The following ZRANB3 variants were observed in gnomAD, a reference collection of about 807,000 sequenced individuals.
ZRANB3 encodes the protein DNA annealing helicase and endonuclease ZRANB3.
In ZRANB3, 125 loss-of-function variants were observed where a neutral mutation model predicts 133.8. The ratio of observed to expected loss-of-function variants is 0.93; its 90% CI spans 0.81 to 1.08. The LOEUF is 1.08. Among genes scored for constraint, ZRANB3 ranks in the 50% least tolerant of loss-of-function variants. The pLI is 0.00. For synonymous variants in ZRANB3, 387 were observed against 432.7 expected (o/e 0.89, Z 1.31); for missense variants, 1,229 against 1,275.5 (o/e 0.96, Z 0.56).
chr2:135,396,045 A>G (rs1687474179), intron 2 of ZRANB3, among the ~76,000 whole-genome samples: 1 of 152,252 alleles, frequency 6.6e-6, no homozygotes, highest in Admixed American at 6.5e-5. Flanking sequence ...GAAGACATAC[A>G]AAGGGCAAAC....
At chr2:135,382,661 C>A (rs1686770119) in intron 3 of ZRANB3, among the ~76,000 whole-genome samples, 1 of 152,124 alleles carries the variant, frequency 6.6e-6, no homozygotes. Flanking sequence ...ACTCTACAAG[C>A]CAGAAGAGAC....
intron 13 of ZRANB3, among the ~76,000 whole-genome samples, chr2:135,229,409 C>T (rs544302386): frequency 2.1e-4 from 31 of 150,848 alleles, no homozygotes; most frequent in Non-Finnish European, 4.3e-4. Flanking sequence ...GCTCTGTTGC[C>T]CAGCCTGGAG....
chr2:135,390,662 C>T, intron 3 of ZRANB3, 140 bp downstream of exon 3: 1 of 1,264,038 alleles, frequency 7.9e-7, no homozygotes, highest in South Asian at 1.5e-5. Context: ...CCTCCCTCCT[C>T]ACCCTCCCAT....
At chr2:135,318,026 T>C (rs1683341619) in intron 6 of ZRANB3, among the ~76,000 whole-genome samples, 2 of 152,152 alleles carry the variant, frequency 1.3e-5, no homozygotes, top group Admixed American at 1.3e-4. Flanking sequence ...TTAGTCTCTT[T>C]AAATTTGCTG....
intron 2 of ZRANB3, among the ~76,000 whole-genome samples, chr2:135,476,389 T>G (rs910318733): frequency 1.3e-5 from 2 of 152,174 alleles, no homozygotes; most frequent in Non-Finnish European, 2.9e-5. Flanking sequence ...CTTTTAAACA[T>G]TCCAGGGAAA....
intron 2 of ZRANB3, among the ~76,000 whole-genome samples, chr2:135,475,731 A>G (rs1456460676): frequency 6.6e-6 from 1 of 152,344 alleles, no homozygotes; most frequent in African/African-American, 2.4e-5. Flanking sequence ...GTGCCAAAGG[A>G]TATTTAAATT....
intron 19 of ZRANB3, among the ~76,000 whole-genome samples, chr2:135,206,242 C>T (rs1393789493): frequency 6.9e-6 from 1 of 144,198 alleles, no homozygotes; most frequent in Admixed American, 7.0e-5. Context: ...CTATAAAATA[C>T]TTTTTTTTTT....
chr2:135,379,007 A>G (rs1686561967), intron 3 of ZRANB3, among the ~76,000 whole-genome samples: 1 of 152,116 alleles, frequency 6.6e-6, no homozygotes. Flanking sequence ...AAACTGAGAA[A>G]ACCTGCATAA....
intron 3 of ZRANB3, among the ~76,000 whole-genome samples, chr2:135,386,722 C>T (rs945335675): frequency 5.9e-5 from 9 of 152,134 alleles, no homozygotes; most frequent in African/African-American, 2.2e-4. Context: ...AACCATAATT[C>T]TCAGCAAACT....
chr2:135,251,090 G>C (rs1248003757), intron 12 of ZRANB3, among the ~76,000 whole-genome samples: 1 of 152,222 alleles, frequency 6.6e-6, no homozygotes, highest in Non-Finnish European at 1.5e-5. Context: ...CCTACCTTTT[G>C]CATCAGTGTT....
chr2:135,273,609 C>T (rs1200979745), intron 9 of ZRANB3, among the ~76,000 whole-genome samples: 1 of 151,836 alleles, frequency 6.6e-6, no homozygotes, highest in African/African-American at 2.4e-5. Context: ...GATCTCAGCT[C>T]ACTGCAACCT....
At chr2:135,318,413 T>C (rs1168182993) in intron 6 of ZRANB3, among the ~76,000 whole-genome samples, 1 of 152,158 alleles carries the variant, frequency 6.6e-6, no homozygotes, top group Non-Finnish European at 1.5e-5. Context: ...CTGTGGGGCA[T>C]GCCAACTATG....
At chr2:135,379,721 G>C (rs529426967) in intron 3 of ZRANB3, among the ~76,000 whole-genome samples, 1 of 152,108 alleles carries the variant, frequency 6.6e-6, no homozygotes, top group African/African-American at 2.4e-5. Flanking sequence ...AAATTGTAAA[G>C]ACCATCAATG....
At chr2:135,318,212 TTGTGTGTG>T (rs58455313) in intron 6 of ZRANB3, among the ~76,000 whole-genome samples, 3,213 of 136,944 alleles carry the variant, frequency 0.023, 49 homozygotes, top group East Asian at 0.048. Context: ...ACACACTATT[TTGTGTGTG>T]TGTGTGTGTG....
chr2:135,483,463 AT>A (rs1413426005), intron 2 of ZRANB3, among the ~76,000 whole-genome samples: 3 of 152,060 alleles, frequency 2.0e-5, no homozygotes, highest in African/African-American at 7.3e-5. Flanking sequence ...CAGTGGTGAT[AT>A]CCCCTTTATC....
chr2:135,352,840 C>G (rs531175975), intron 4 of ZRANB3, among the ~76,000 whole-genome samples: 168 of 152,192 alleles, frequency 1.1e-3, no homozygotes, highest in Non-Finnish European at 2.1e-3. Context: ...CCTACACATT[C>G]CATGTAATAA....
At chr2:135,338,482 T>C (rs1034196061) in intron 6 of ZRANB3, among the ~76,000 whole-genome samples, 4 of 152,226 alleles carry the variant, frequency 2.6e-5, no homozygotes, top group African/African-American at 7.2e-5. Flanking sequence ...GTGGCTTCTA[T>C]AGAGAAGTCT....
At chr2:135,259,110 C>T (rs566195596) in intron 12 of ZRANB3, among the ~76,000 whole-genome samples, 2 of 152,120 alleles carry the variant, frequency 1.3e-5, no homozygotes, top group South Asian at 2.1e-4. Context: ...CAATCATCCT[C>T]CTGAGCTCAA....
chr2:135,529,171 G>A (rs1694285608), intron 1 of ZRANB3, among the ~76,000 whole-genome samples: 2 of 152,240 alleles, frequency 1.3e-5, no homozygotes, highest in South Asian at 4.1e-4. Flanking sequence ...AAATCATGGA[G>A]TAAACTGAAT....
Sources: allele counts gnomAD v4.1 joint callset (sites outside exome capture counted in the v4.1 genomes callset), GRCh38; gene constraint gnomAD v4.1.1; transcripts MANE v1.5; gene names NCBI Gene and HGNC (gene_info 2026-07-23, HGNC 2026-07-21).